The following PGAP4 variants were observed in gnomAD, a reference collection of about 807,000 sequenced individuals.
The protein encoded by PGAP4 is post-GPI attachment to proteins GalNAc transferase 4.
A neutral mutation model predicts 28.2 loss-of-function variants in PGAP4; 12 were observed. The ratio of observed to expected loss-of-function variants is 0.42; its 90% CI spans 0.27 to 0.69. PGAP4 has a LOEUF of 0.69. Ranked by LOEUF, PGAP4 falls within the 30% of genes least tolerant of loss-of-function variation. The pLI, the probability that PGAP4 is intolerant of heterozygous loss-of-function variation, is 0.22. For synonymous variants in PGAP4, 205 were observed against 211.8 expected, an observed-to-expected ratio of 0.97 and a Z score of 0.28; for missense variants, 425 against 513.5, an observed-to-expected ratio of 0.83 and a Z score of 1.67.
chr9:101,487,508 T>C (rs544853999), upstream of PGAP4, among the ~76,000 whole-genome samples: 1 of 152,282 alleles, frequency 6.6e-6, no homozygotes, highest in Admixed American at 6.5e-5. Flanking sequence ...TGCACATTGA[T>C]TGAGAACAAT....
chr9:101,512,604 A>C (rs1826906974), intron 2 of PGAP4, among the ~76,000 whole-genome samples: 1 of 152,194 alleles, frequency 6.6e-6, no homozygotes, highest in Admixed American at 6.6e-5. Flanking sequence ...AACAGGATAC[A>C]TGAAGAGATT....
intron 2 of PGAP4, among the ~76,000 whole-genome samples, chr9:101,508,591 A>C (rs1286321868): frequency 2.6e-5 from 4 of 152,166 alleles, no homozygotes; most frequent in African/African-American, 9.6e-5. Context: ...TAAAAAGAAA[A>C]ACTATAAAGC....
chr9:101,507,067 T>G (rs995427766), intron 2 of PGAP4, among the ~76,000 whole-genome samples: 6 of 152,098 alleles, frequency 3.9e-5, no homozygotes, highest in Non-Finnish European at 2.9e-5. Flanking sequence ...AGTCAATATC[T>G]GTTTGCTTTC....
At chr9:101,510,742 C>T (rs1235089735) in intron 2 of PGAP4, among the ~76,000 whole-genome samples, 6 of 152,116 alleles carry the variant, frequency 3.9e-5, no homozygotes, top group African/African-American at 1.4e-4. Flanking sequence ...GTGACAAGTA[C>T]ACAATGCGGG....
chr9:101,532,913 A>AT (rs1477107254), exon 1 of PGAP4: 2 of 152,286 alleles, frequency 1.3e-5, no homozygotes, highest in East Asian at 3.9e-4. Context: ...CCTAAATTCT[A>AT]TTTTTTAAAA....
intron 2 of PGAP4, among the ~76,000 whole-genome samples, chr9:101,524,798 T>C (rs1827019898): frequency 6.6e-6 from 1 of 152,192 alleles, no homozygotes; most frequent in Admixed American, 6.5e-5. Context: ...ACTTCCACAG[T>C]TGGGGCACTC....
chr9:101,526,082 GAA>G (rs1210653371), intron 2 of PGAP4, among the ~76,000 whole-genome samples: 2 of 151,846 alleles, frequency 1.3e-5, no homozygotes, highest in Non-Finnish European at 2.9e-5. Flanking sequence ...TTCATAAGAA[GAA>G]AAAAATACAA....
At chr9:101,511,419 C>T (rs756400100) in intron 2 of PGAP4, among the ~76,000 whole-genome samples, 3 of 152,134 alleles carry the variant, frequency 2.0e-5, no homozygotes, top group Non-Finnish European at 2.9e-5. Flanking sequence ...TTCCTGCTAC[C>T]TGACTTTGCC....
In PGAP4 at chr9:101,483,407, GC is replaced by G. The variant is rs532895920; in HGVS notation, c.-78+3541del. 6.5e-3 allele frequency among the ~76,000 whole-genome samples: 988 copies of G among 152,154 alleles called. 5 individuals carry two copies. Among genetic ancestry groups the G allele is most frequent in the Non-Finnish European group, 9.8e-3 (667 of 68,006 alleles). On this transcript the variant is annotated intron_variant, in intron 1 of 1. Coordinates refer to ENST00000374848, the MANE Select transcript of PGAP4 (RefSeq NM_032342.3). ...AGCCTCCAAGAAGTATGACTATTAA[GC>G]CCATTTTATACTTTAGAAAACTAAG...
intron 2 of PGAP4, among the ~76,000 whole-genome samples, chr9:101,493,211 G>C (rs1826707043): frequency 6.8e-6 from 1 of 147,956 alleles, no homozygotes. Flanking sequence ...CCAAGATTGT[G>C]CCACCGCACT....
At chr9:101,497,571 G>T (rs962543289) in intron 2 of PGAP4, among the ~76,000 whole-genome samples, 1 of 151,552 alleles carries the variant, frequency 6.6e-6, no homozygotes, top group African/African-American at 2.4e-5. Flanking sequence ...ATATATGTGT[G>T]TGTGTGTATC....
At chr9:101,494,477 C>T (rs571891841) in intron 2 of PGAP4, among the ~76,000 whole-genome samples, 3 of 151,762 alleles carry the variant, frequency 2.0e-5, no homozygotes, top group Admixed American at 6.6e-5. Context: ...GCCAACAATG[C>T]TTTAAATAAA....
At position 101,475,543 on chromosome 9, in the gene PGAP4, A is replaced by T. The variant is rs1049254227; in HGVS notation, c.*338T>A. ...AAAACAGTCATATCACTGTGCACAA[A>T]ATTTTTGGCAGTCACAAGCTCTAAC... On this transcript the variant is annotated 3_prime_UTR_variant, in exon 2 of 2. Coordinates refer to ENST00000374848, the MANE Select transcript of PGAP4 (RefSeq NM_032342.3). 2 of 276,276 alleles carry T rather than the reference A, an allele frequency of 7.2e-6. No homozygotes were observed. Among genetic ancestry groups the T allele is most frequent in the Non-Finnish European group, 1.4e-5 (2 of 146,890 alleles). The allele number at this position is 276,276 out of a possible 1,614,324, so 17.1% of individuals were successfully genotyped here.
intron 1 of PGAP4, chr9:101,532,643 T>A (rs1827111208): frequency 6.6e-6 from 1 of 152,212 alleles, no homozygotes; most frequent in Non-Finnish European, 1.5e-5. Flanking sequence ...CATTGTCTCA[T>A]ACAATGCTTT....
chr9:101,506,548 G>C (rs375114701), intron 2 of PGAP4, among the ~76,000 whole-genome samples: 129 of 152,178 alleles, frequency 8.5e-4, no homozygotes, highest in African/African-American at 2.9e-3. Flanking sequence ...ACTTGACTCT[G>C]AAATTTCCTG....
Position 101,527,856 on chromosome 9 carries a change from A to G in PGAP4, c.-165+3492T>C, listed in dbSNP as rs530024860. ...TATTAAGGCCCTCCTTGCTGTGTGT[A>G]TACAGCATGACATGGATTCTTTAGA... On this transcript the variant is annotated intron_variant, in intron 2 of 3. Coordinates refer to the PGAP4 transcript ENST00000374851. 8.5e-5 allele frequency among the ~76,000 whole-genome samples: 13 copies of G among 152,328 alleles called. No homozygotes were observed. In the East Asian group the frequency reaches 2.1e-3, roughly 25 times the overall value.
rs532489461 is a variant in PGAP4 at position 101,482,750 on chromosome 9, C to A, written c.-78+4199G>T. Among the ~76,000 whole-genome samples, 134 of 152,270 alleles carry A rather than the reference C, an allele frequency of 8.8e-4. 2 individuals are homozygous for A. In the Middle Eastern group the frequency reaches 0.014, roughly 15 times the overall value. On this transcript the variant is annotated intron_variant, in intron 1 of 1. Transcript: ENST00000374848. ...CTTCCAAAACCCAACCCTGACCTTT[C>A]CAACCAGAAAGAATCTCTTTTTTTC...
intron 2 of PGAP4, among the ~76,000 whole-genome samples, chr9:101,526,885 G>A (rs1827039730): frequency 6.6e-6 from 1 of 152,152 alleles, no homozygotes; most frequent in Admixed American, 6.5e-5. Flanking sequence ...AAAGTAAATG[G>A]TACCAACCAG....
intron 2 of PGAP4, among the ~76,000 whole-genome samples, chr9:101,520,090 C>A (rs1382421941): frequency 6.6e-6 from 1 of 152,142 alleles, no homozygotes; most frequent in East Asian, 1.9e-4. Context: ...TATTTTTGTA[C>A]CAGTGCCGTG....
Sources: allele counts gnomAD v4.1 joint callset (sites outside exome capture counted in the v4.1 genomes callset), GRCh38; gene constraint gnomAD v4.1.1; transcripts MANE v1.5; gene names NCBI Gene and HGNC (gene_info 2026-07-23, HGNC 2026-07-21).